MZT2A: variants seen among roughly 807,000 people sequenced by gnomAD.
MZT2A encodes mitotic spindle organizing protein 2A.
MZT2A carries 8 observed loss-of-function variants against 12.4 expected under a neutral mutation model. The observed-to-expected ratio is 0.64, with a 90% CI of 0.38 to 1.16. MZT2A has a LOEUF of 1.16. MZT2A is among the 50% of genes most tolerant of loss of function. The probability of loss-of-function intolerance (pLI) is 0.01; values close to 1 mark genes in which losing one functional copy is unlikely to be tolerated. For missense variants in MZT2A, 181 were observed against 223.6 expected (o/e 0.81, Z 1.22); for synonymous variants, 88 against 107.5 (o/e 0.82, Z 1.12).
At chr2:131,479,736 A>G (rs894946570), downstream of MZT2A, among the ~76,000 whole-genome samples, 4 of 152,132 alleles carry the variant, frequency 2.6e-5, no homozygotes, top group Non-Finnish European at 4.4e-5. Context: ...GCTACTTGAG[A>G]GGCTGAGGCA....
Position 131,491,961 on chromosome 2 carries a change from G to A in MZT2A, c.234C>T (p.Ser78=), listed in dbSNP as rs1226079170. ...TCGCTAGCCTCTGCCCGGCACACAT[G>A]GACTTGAGCATCTGGAAGACGGCGA... The part of the protein sequence containing the change: ...APLAVFQMLK[S]MCAGQRLASE... The change falls in exon 2 of 3, where the codon TCC becomes TCT. Residue 78 remains serine, a synonymous_variant. Coordinates refer to ENST00000309451, the MANE Select transcript of MZT2A (RefSeq NM_001085365.2). 5.2e-6 allele frequency: 8 copies of A among 1,547,492 alleles called. No homozygotes were observed. The highest frequency in any genetic ancestry group is 7.0e-6 in the Non-Finnish European group (8 of 1,144,534).
At chr2:131,488,545 T>C (rs1406174163) in intron 2 of MZT2A, among the ~76,000 whole-genome samples, 2 of 148,778 alleles carry the variant, frequency 1.3e-5, no homozygotes, top group Non-Finnish European at 3.0e-5. Flanking sequence ...CCCGGATTAC[T>C]CCGACAACCC....
chr2:131,492,862 A>T, upstream of MZT2A: 1 of 1,487,730 alleles, frequency 6.7e-7, no homozygotes, highest in South Asian at 1.2e-5. Context: ...CGTGAGCCCT[A>T]CCTTGGGGCG....
downstream of MZT2A, chr2:131,479,456 G>C: frequency 6.2e-7 from 1 of 1,613,800 alleles, no homozygotes; most frequent in Non-Finnish European, 8.5e-7. Flanking sequence ...TCCGCAAACT[G>C]GTAAGAAGAG....
At chr2:131,492,992 C>G, upstream of MZT2A, 1 of 1,519,146 alleles carries the variant, frequency 6.6e-7, no homozygotes, top group South Asian at 1.2e-5. Flanking sequence ...GCGCACGTAC[C>G]TTTTGAGGTA....
downstream of MZT2A, chr2:131,482,901 G>A (rs1187180915): frequency 1.3e-6 from 2 of 1,578,042 alleles, no homozygotes; most frequent in African/African-American, 2.7e-5. Flanking sequence ...CTGCTTCCAA[G>A]TTGTTTGCAA....
downstream of MZT2A, among the ~76,000 whole-genome samples, chr2:131,481,812 C>A: frequency 6.6e-6 from 1 of 152,172 alleles, no homozygotes; most frequent in East Asian, 1.9e-4. Flanking sequence ...ACGTGATCTG[C>A]CCACCTGTCT....
At chr2:131,472,878 G>T (rs562071468) in intron 2 of MZT2A, among the ~76,000 whole-genome samples, 1 of 151,858 alleles carries the variant, frequency 6.6e-6, no homozygotes, top group African/African-American at 2.4e-5. Context: ...TGTGGTTGGA[G>T]CCTTGAGGAA....
At chr2:131,490,686 C>G in intron 2 of MZT2A, 1 of 1,549,470 alleles carries the variant, frequency 6.5e-7, no homozygotes, top group Non-Finnish European at 8.7e-7. Context: ...GAGCACCAAC[C>G]CCCAGAGATA....
chr2:131,492,841 G>A (rs942968875), upstream of MZT2A: 2 of 1,475,576 alleles, frequency 1.4e-6, no homozygotes, highest in Non-Finnish European at 1.8e-6. Flanking sequence ...TTCCTTGCTA[G>A]GGAGAAAGTG....
chr2:131,485,815 G>A (rs1679030224), intron 2 of MZT2A, among the ~76,000 whole-genome samples: 1 of 151,932 alleles, frequency 6.6e-6, no homozygotes, highest in South Asian at 2.1e-4. Flanking sequence ...GACCCATTAG[G>A]TCATTTGTTT....
chr2:131,476,984 A>C (rs1415003801), intron 2 of MZT2A, among the ~76,000 whole-genome samples: 3 of 144,488 alleles, frequency 2.1e-5, no homozygotes, highest in Non-Finnish European at 4.5e-5. Context: ...CCAAGTCCCA[A>C]GTCTGAATAG....
chr2:131,489,845 A>T (rs982436241), intron 2 of MZT2A: 5 of 961,250 alleles, frequency 5.2e-6, no homozygotes, highest in Non-Finnish European at 4.9e-6. Context: ...CTCTCACTGG[A>T]CTGAGTGTGA....
chr2:131,489,775 A>C, intron 2 of MZT2A: 1 of 785,534 alleles, frequency 1.3e-6, no homozygotes, highest in Non-Finnish European at 1.5e-6. Flanking sequence ...GACTTCCCGA[A>C]GTGCTGGGAT....
chr2:131,473,687 C>T lies in MZT2A; in HGVS notation c.279-1505G>A, dbSNP rs796218899. 1.5e-5 allele frequency among the ~76,000 whole-genome samples: 2 copies of T among 129,074 alleles called. 1 individual carries two copies. The highest frequency in any genetic ancestry group is 7.8e-5 in the African/African-American group (2 of 25,546). The allele number at this position is 129,074 out of a possible 152,430, so 84.7% of individuals were successfully genotyped here. A position where few individuals can be genotyped will look rare whatever the true frequency, so the allele number is the denominator to read the frequency against. ...GGCTGAGGCTGGGGGATCACTTGAG[C>T]CCAGGAATTTGAGTCCAGCCTGGTC... On this transcript the variant is annotated intron_variant and NMD_transcript_variant, in intron 2 of 4. Coordinates refer to the MZT2A transcript ENST00000427024.
In MZT2A at chr2:131,484,089, C is replaced by G. The variant is rs1264352916; in HGVS notation, c.449G>C (p.Gly150Ala). ...GGTGCTGCCCTGCGTAGGGCTCTTC[C>G]CAGGCCCGCCCCCCTTGGGCAGCCT... ...ATRLPKGGGP[G>A]KSPTQGST is the part of the protein sequence containing the mutation. The change falls in exon 3 of 3, where the codon GGG (glycine) becomes GCG (alanine). Residue 150 changes from glycine (G) to alanine (A), a missense_variant. By Grantham distance (60) the Gly-to-Ala change is moderately conservative (BLOSUM62 0). Coordinates refer to ENST00000309451, the MANE Select transcript of MZT2A (RefSeq NM_001085365.2). 6.2e-7 allele frequency: 1 copy of G among 1,613,380 alleles called. No homozygotes were observed. The highest frequency in any genetic ancestry group is 8.5e-7 in the Non-Finnish European group (1 of 1,179,600).
chr2:131,491,059 A>C (rs10179938), intron 2 of MZT2A: 110,698 of 1,099,008 alleles, frequency 0.1, 9,475 homozygotes, highest in African/African-American at 0.42. Context: ...GATGCCTGTG[A>C]GGGTCTCCTC....
At chr2:131,475,876 C>T (rs1011119652) in intron 2 of MZT2A, among the ~76,000 whole-genome samples, 4 of 152,180 alleles carry the variant, frequency 2.6e-5, no homozygotes, top group Admixed American at 2.0e-4. Context: ...ACAGAGGCAG[C>T]GCAGTAGCTG....
intron 2 of MZT2A, among the ~76,000 whole-genome samples, chr2:131,474,648 G>A (rs568870176): frequency 7.3e-5 from 11 of 151,160 alleles, no homozygotes; most frequent in African/African-American, 2.7e-4. Flanking sequence ...GACCTCAAGT[G>A]ATCCTCCCAC....
Sources: allele counts gnomAD v4.1 joint callset (sites outside exome capture counted in the v4.1 genomes callset), GRCh38; gene constraint gnomAD v4.1.1; transcripts MANE v1.5; gene names NCBI Gene and HGNC (gene_info 2026-07-23, HGNC 2026-07-21).